RAD21: variants seen among roughly 807,000 people sequenced by gnomAD.
RAD21 encodes the protein RAD21 cohesin complex component.
In RAD21, 18 loss-of-function variants were observed where a neutral mutation model predicts 71.5. The ratio of observed to expected loss-of-function variants is 0.25; its 90% CI spans 0.17 to 0.37. The LOEUF (loss-of-function observed/expected upper bound fraction) is 0.37. RAD21 is among the 10% of genes least tolerant of loss of function. The probability of loss-of-function intolerance (pLI) is 1.00; values close to 1 mark genes in which losing one functional copy is unlikely to be tolerated. For synonymous variants in RAD21, 248 were observed against 254.0 expected, an observed-to-expected ratio of 0.98 and a Z score of 0.22; for missense variants, 493 against 769.1, an observed-to-expected ratio of 0.64 and a Z score of 4.25.
At chr8:116,853,967 A>G (rs1293698121) in intron 9 of RAD21, among the ~76,000 whole-genome samples, 2 of 152,230 alleles carry the variant, frequency 1.3e-5, no homozygotes, top group East Asian at 3.8e-4. Context: ...CTAAGACGAT[A>G]TAACTAATAA....
At position 116,852,712 on chromosome 8, in the gene RAD21, T is replaced by TA; in HGVS notation, c.1162-5_1162-4insT. On this transcript the variant is annotated splice_polypyrimidine_tract_variant and splice_region_variant and intron_variant, in intron 9 of 13. Transcript: ENST00000297338. ...GTGTAAGACAGCGTGTAAAGAGCTA[T>TA]TAAAAAAAAAAAAAAGAAAAATTTC... 6.9e-7 allele frequency: 1 copy of TA among 1,443,324 alleles called. No homozygotes were observed. The highest frequency in any genetic ancestry group is 1.6e-5 in the South Asian group (1 of 61,160). 89.4% of individuals were successfully genotyped at this position (1,443,324 alleles called of 1,614,324 possible).
At chr8:116,851,438 T>G (rs1403920775) in intron 11 of RAD21, 1 of 152,232 alleles carries the variant, frequency 6.6e-6, no homozygotes, top group Non-Finnish European at 1.5e-5. Flanking sequence ...TTTGCACAAA[T>G]TCATTTATTC....
chr8:116,856,697 A>G lies in RAD21; in HGVS notation c.763T>C (p.Leu255=). The change falls in exon 7 of 14, where the codon TTG becomes CTG. Residue 255 remains leucine (L), a synonymous_variant. Coordinates refer to ENST00000297338, the MANE Select transcript of RAD21 (RefSeq NM_006265.3). ...TCGTCATGTGCAGGCTGCTCTGGCA[A>G]CATCACCCCTGCCTCAGAGAGGGCA... ...PPALSEAGVM[L]PEQPAHDDMD... is the part of the protein sequence containing the mutation. The G allele has an allele frequency of 1.3e-6, 2 of 1,594,820 alleles. No individual in the cohort carries two copies. The highest frequency in any genetic ancestry group is 1.7e-6 in the Non-Finnish European group (2 of 1,170,224).
At chr8:116,863,450 A>G (rs1812629759) in intron 2 of RAD21, among the ~76,000 whole-genome samples, 191 bp from the exon 3 acceptor site, 1 of 152,168 alleles carries the variant, frequency 6.6e-6, no homozygotes, top group Non-Finnish European at 1.5e-5. Flanking sequence ...ACAAACATGA[A>G]GGAAGCTAGG....
chr8:116,858,777 A>T lies in RAD21; in HGVS notation c.375-319T>A, dbSNP rs16888945. 0.027 allele frequency among the ~76,000 whole-genome samples: 4,144 copies of T among 152,218 alleles called. 76 individuals carry two copies. Among genetic ancestry groups the T allele is most frequent in the Middle Eastern group, 0.078 (23 of 294 alleles). On this transcript the variant is annotated intron_variant, in intron 4 of 13. Coordinates refer to ENST00000297338, the MANE Select transcript of RAD21 (RefSeq NM_006265.3). Reference sequence around the variant, plus strand: ...CATGGGTTTTCATTAGGACCCTGCAACTTACAGGCGGTGTAAACTCTAAAG... The same window carrying T: ...CATGGGTTTTCATTAGGACCCTGCATCTTACAGGCGGTGTAAACTCTAAAG...
intron 13 of RAD21, 53 bp downstream of exon 13, chr8:116,848,893 A>C (rs1472297717): frequency 6.8e-7 from 1 of 1,471,938 alleles, no homozygotes. Flanking sequence ...TTCAGGGAAC[A>C]ATGGCAAAAG....
chr8:116,869,653 A>C (rs1812770152), intron 1 of RAD21, among the ~76,000 whole-genome samples: 1 of 152,216 alleles, frequency 6.6e-6, no homozygotes, highest in African/African-American at 2.4e-5. Context: ...ACAAATAAGA[A>C]CATGAGATGT....
At chr8:116,849,971 T>TA (rs371659755) in intron 12 of RAD21, among the ~76,000 whole-genome samples, 4 of 152,000 alleles carry the variant, frequency 2.6e-5, no homozygotes, top group African/African-American at 9.7e-5. Context: ...ACATATCCGA[T>TA]AGAGTATCAA....
intron 8 of RAD21, 123 bp downstream of exon 8, chr8:116,856,043 A>T (rs1812456481): frequency 1.6e-6 from 2 of 1,225,720 alleles, no homozygotes; most frequent in Admixed American, 5.4e-5. Context: ...ACAGGCCAAA[A>T]AAACAGAAAA....
chr8:116,861,831 A>C lies in RAD21; in HGVS notation c.374+10T>G, dbSNP rs1812599101. 1 of 1,593,900 alleles carries C rather than the reference A, an allele frequency of 6.3e-7. No individual in the cohort carries two copies. On this transcript the variant is annotated intron_variant, in intron 4 of 13. Transcript: ENST00000297338. ...CAAGTCAACAATTTTTTTTAAAAGAAGACACATACTCTAAGTCAGGCAGTG... is the reference window on the plus strand; with the variant it reads ...CAAGTCAACAATTTTTTTTAAAAGACGACACATACTCTAAGTCAGGCAGTG...
Position 116,848,975 on chromosome 8 carries a change from T to G in RAD21, c.1675A>C (p.Arg559=). The G allele has an allele frequency of 1.9e-6, 3 of 1,606,456 alleles. No homozygotes were observed. Among genetic ancestry groups the G allele is most frequent in the Non-Finnish European group, 2.6e-6 (3 of 1,176,184 alleles). Residue 559 remains arginine, a synonymous_variant, in exon 13 of 14, where the codon AGG becomes CGG. Transcript: ENST00000297338. ...AGACCATGAAGCATCTGCTGAGTCC[T>G]TTTGTTCCATCTTCTTTCTTCCTGA... ...QDQEERRWNK[R]TQQMLHGLQR... is the part of the protein sequence containing the mutation.
intron 10 of RAD21, 157 bp from the exon 11 acceptor site, chr8:116,852,253 T>A (rs1586264284): frequency 2.7e-6 from 2 of 752,212 alleles, no homozygotes; most frequent in Admixed American, 6.1e-5. Context: ...ATTTACTCAA[T>A]TTTTAGCAAT....
chr8:116,866,502 C>T (rs1300726327), intron 2 of RAD21, 84 bp downstream of exon 2: 1 of 1,354,820 alleles, frequency 7.4e-7, no homozygotes, highest in Non-Finnish European at 9.9e-7. Flanking sequence ...AATGCCCCTA[C>T]CTAAAAAAAC....
intron 2 of RAD21, among the ~76,000 whole-genome samples, chr8:116,864,167 T>C (rs572839189): frequency 2.6e-5 from 4 of 152,022 alleles, no homozygotes; most frequent in Non-Finnish European, 5.9e-5. Context: ...GAGATAAGAC[T>C]CCATCTAAAC....
chr8:116,858,362 T>G lies in RAD21; in HGVS notation c.471A>C (p.Glu157Asp). ...EEVGNISILQ[E>D]NDFGDFGMDD... Reference sequence around the variant, plus strand: ...TTGTTTCTCTTTTACCAAAATCATTTTCTTGTAAAATACTGATGTTCCCAA... The same window carrying G: ...TTGTTTCTCTTTTACCAAAATCATTGTCTTGTAAAATACTGATGTTCCCAA... Residue 157 changes from glutamate (E) to aspartate (D), a missense_variant, in exon 5 of 14, where the codon GAA becomes GAC. Glu to Asp is a conservative substitution (Grantham distance 45, BLOSUM62 2). Coordinates refer to ENST00000297338, the MANE Select transcript of RAD21 (RefSeq NM_006265.3). 6.2e-7 allele frequency: 1 copy of G among 1,605,992 alleles called. No homozygotes were observed. The highest frequency in any genetic ancestry group is 8.5e-7 in the Non-Finnish European group (1 of 1,173,368).
Position 116,856,355 on chromosome 8 carries a change from T to C in RAD21, c.815-67A>G. Reference sequence around the variant, plus strand: ...TGGTATATAACATATATCCCACAAATGGGGAGGAGAAAAATCTCTTCATGA... The same window carrying C: ...TGGTATATAACATATATCCCACAAACGGGGAGGAGAAAAATCTCTTCATGA... On this transcript the variant is annotated intron_variant, in intron 7 of 13. Coordinates refer to ENST00000297338, the MANE Select transcript of RAD21 (RefSeq NM_006265.3). 4.5e-6 allele frequency: 6 copies of C among 1,337,610 alleles called. No individual in the cohort carries two copies. In the South Asian group the frequency reaches 1.0e-4, roughly 23 times the overall value. 82.9% of individuals were successfully genotyped at this position (1,337,610 alleles called of 1,614,324 possible).
intron 4 of RAD21, among the ~76,000 whole-genome samples, chr8:116,859,263 T>A (rs927292980): frequency 6.6e-6 from 1 of 152,184 alleles, no homozygotes; most frequent in African/African-American, 2.4e-5. Context: ...CTTAAGCAAG[T>A]CTGTTGGTGC....
intron 1 of RAD21, among the ~76,000 whole-genome samples, chr8:116,870,856 C>T (rs1210579640): frequency 6.6e-6 from 1 of 152,162 alleles, no homozygotes; most frequent in Non-Finnish European, 1.5e-5. Context: ...AAATTTTAGA[C>T]GTTTTAAAAA....
At chr8:116,871,311 T>C (rs1207399341) in intron 1 of RAD21, among the ~76,000 whole-genome samples, 1 of 152,174 alleles carries the variant, frequency 6.6e-6, no homozygotes, top group East Asian at 1.9e-4. Context: ...GAGCACAACT[T>C]AGCATTTCAT....
Sources: allele counts gnomAD v4.1 joint callset (sites outside exome capture counted in the v4.1 genomes callset), GRCh38; gene constraint gnomAD v4.1.1; transcripts MANE v1.5; gene names NCBI Gene and HGNC (gene_info 2026-07-23, HGNC 2026-07-21).